FRMD4A: variants seen among roughly 807,000 people sequenced by gnomAD.
The protein encoded by FRMD4A is FERM domain-containing protein 4A.
Under a neutral mutation model 129.1 loss-of-function variants are expected in FRMD4A, and 29 were observed. The observed-to-expected ratio is 0.22, with a 90% CI of 0.17 to 0.31. The LOEUF is 0.31. FRMD4A is among the 10% of genes least tolerant of loss of function. FRMD4A has a pLI of 1.00. For synonymous variants in FRMD4A, 634 were observed against 571.6 expected (o/e 1.11, Z -1.56); for missense variants, 1,272 against 1,375.8 (o/e 0.92, Z 1.19).
intron 2 of FRMD4A, chr10:14,326,712 G>A (rs980306939): frequency 1.3e-5 from 5 of 396,686 alleles, no homozygotes; most frequent in African/African-American, 4.1e-5. Flanking sequence ...ACTAATCCTC[G>A]GCTCTAGCAT....
chr10:13,703,292 TCTC>T (rs1206042390), intron 13 of FRMD4A, among the ~76,000 whole-genome samples: 3 of 152,076 alleles, frequency 2.0e-5, no homozygotes, highest in Non-Finnish European at 4.4e-5. Context: ...CTTTATCTCC[TCTC>T]CTCATCTTTC....
At chr10:14,087,278 T>C (rs1432192959) in intron 2 of FRMD4A, among the ~76,000 whole-genome samples, 2 of 147,426 alleles carry the variant, frequency 1.4e-5, no homozygotes, top group Non-Finnish European at 3.0e-5. Flanking sequence ...AATTAATTAA[T>C]ATATGTGTTA....
At chr10:13,718,823 C>A (rs1055415016) in intron 12 of FRMD4A, among the ~76,000 whole-genome samples, 2 of 152,244 alleles carry the variant, frequency 1.3e-5, no homozygotes, top group African/African-American at 4.8e-5. Flanking sequence ...CATACACATA[C>A]CTCTGCCAAA....
chr10:13,716,985 C>CA (rs1403886594), intron 12 of FRMD4A, among the ~76,000 whole-genome samples: 2 of 152,220 alleles, frequency 1.3e-5, no homozygotes, highest in African/African-American at 4.8e-5. Flanking sequence ...CTTCCCTCCT[C>CA]AGAGTGCCCC....
intron 3 of FRMD4A, among the ~76,000 whole-genome samples, chr10:13,838,798 C>T (rs1174450005): frequency 6.6e-6 from 1 of 152,022 alleles, no homozygotes; most frequent in Non-Finnish European, 1.5e-5. Flanking sequence ...TGCCTATGTT[C>T]TGTTTGCTAC....
chr10:13,803,718 C>T (rs1053747010), intron 4 of FRMD4A, among the ~76,000 whole-genome samples: 1 of 152,178 alleles, frequency 6.6e-6, no homozygotes, highest in African/African-American at 2.4e-5. Flanking sequence ...AACAAGGAGT[C>T]AAGGGCCAGT....
chr10:14,152,459 G>T (rs1254579422), intron 2 of FRMD4A, among the ~76,000 whole-genome samples: 2 of 152,050 alleles, frequency 1.3e-5, no homozygotes, highest in African/African-American at 4.8e-5. Flanking sequence ...AAAGTCTAAA[G>T]ACAGTTACTC....
chr10:14,014,005 G>A (rs1327918017), intron 2 of FRMD4A, among the ~76,000 whole-genome samples: 1 of 152,196 alleles, frequency 6.6e-6, no homozygotes, highest in African/African-American at 2.4e-5. Flanking sequence ...AAAGCTCCCT[G>A]CTAGGCCCTG....
chr10:14,008,162 C>CTCTGTGTG, intron 2 of FRMD4A: 1 of 628,412 alleles, frequency 1.6e-6, no homozygotes, highest in Non-Finnish European at 2.1e-6. Flanking sequence ...TGGTGTACAG[C>CTCTGTGTG]TGTGTGTGTG....
At chr10:14,321,355 A>G (rs754483057) in intron 2 of FRMD4A, among the ~76,000 whole-genome samples, 4 of 150,746 alleles carry the variant, frequency 2.7e-5, no homozygotes, top group Non-Finnish European at 5.9e-5. Flanking sequence ...GAATATATAT[A>G]TAATTCATAT....
chr10:14,177,609 A>C (rs1052530571), intron 2 of FRMD4A, among the ~76,000 whole-genome samples: 2 of 152,210 alleles, frequency 1.3e-5, no homozygotes, highest in African/African-American at 4.8e-5. Context: ...AGGTTTGTTT[A>C]AAGTAGATAG....
rs1412175703 is a variant in FRMD4A, at chr10:13,646,936, C to G, written c.*102G>C. The G allele has an allele frequency of 5.2e-6, 5 of 963,316 alleles. No individual in the cohort carries two copies. Among genetic ancestry groups the G allele is most frequent in the Admixed American group, 6.2e-5 (1 of 16,238 alleles). The allele number at this position is 963,316 out of a possible 1,614,324, so 59.7% of individuals were successfully genotyped here. A position where few individuals can be genotyped will look rare whatever the true frequency, so the allele number is the denominator to read the frequency against. Reference sequence around the variant, plus strand: ...GGTCAGATTAGGCCGGGCTGGCTCACACGAGGGTCCCGGGCTTGGCTTTTT... The same window carrying G: ...GGTCAGATTAGGCCGGGCTGGCTCAGACGAGGGTCCCGGGCTTGGCTTTTT... On this transcript the variant is annotated 3_prime_UTR_variant, in exon 25 of 25. Coordinates refer to ENST00000357447, the MANE Select transcript of FRMD4A (RefSeq NM_018027.5).
intron 24 of FRMD4A, chr10:13,647,834 A>G (rs1248929793): frequency 6.6e-6 from 1 of 151,920 alleles, no homozygotes; most frequent in Non-Finnish European, 1.5e-5. Context: ...GTGGAAGCCA[A>G]TAGTCATTAC....
chr10:14,111,317 T>C (rs1252377700), intron 2 of FRMD4A, among the ~76,000 whole-genome samples: 2 of 152,092 alleles, frequency 1.3e-5, no homozygotes, highest in Non-Finnish European at 2.9e-5. Flanking sequence ...TCGATTTATT[T>C]ATTCTGCTTT....
In FRMD4A at chr10:14,300,962, A is replaced by G. The variant is rs1589283172; in HGVS notation, c.45+29096T>C. On this transcript the variant is annotated intron_variant, in intron 2 of 24. Coordinates refer to ENST00000357447, the MANE Select transcript of FRMD4A (RefSeq NM_018027.5). ...CAAATGGTCTAGCAATGTGATTTAC[A>G]ATGGGAGCTTTGGGCCATGTTGTAT... Among the ~76,000 whole-genome samples the G allele has an allele frequency of 4.6e-5, 7 of 152,322 alleles. No individual in the cohort carries two copies. The South Asian group carries it at 1.4e-3, about 32-fold the overall frequency.
At chr10:13,876,167 C>T (rs920802839) in intron 2 of FRMD4A, among the ~76,000 whole-genome samples, 6 of 152,184 alleles carry the variant, frequency 3.9e-5, no homozygotes, top group Non-Finnish European at 5.9e-5. Context: ...ACTCTAAGAT[C>T]CCTTCCCTTC....
intron 2 of FRMD4A, among the ~76,000 whole-genome samples, chr10:14,045,147 C>A (rs1400229460): frequency 6.6e-6 from 1 of 152,144 alleles, no homozygotes; most frequent in Non-Finnish European, 1.5e-5. Flanking sequence ...GAATGATCCT[C>A]CTAAACTGCT....
rs149865956 is a variant in FRMD4A at position 13,841,984 on chromosome 10, C to T, written c.111+16863G>A. ...CAGGTGGTTAGTGCCAGAATTGCAC[C>T]GCGATATTACAACTATCCTTCCTCT... On this transcript the variant is annotated intron_variant, in intron 3 of 24. Transcript: ENST00000357447. Among the ~76,000 whole-genome samples, 87 of 152,214 alleles carry T rather than the reference C, an allele frequency of 5.7e-4. 1 individual carries two copies. The East Asian group carries it at 0.013, about 22-fold the overall frequency.
chr10:13,704,741 G>A (rs2087237602), intron 13 of FRMD4A, among the ~76,000 whole-genome samples: 1 of 152,262 alleles, frequency 6.6e-6, no homozygotes, highest in African/African-American at 2.4e-5. Context: ...GTCTAGAGCA[G>A]GTTTCTTTGT....
Sources: allele counts gnomAD v4.1 joint callset (sites outside exome capture counted in the v4.1 genomes callset), GRCh38; gene constraint gnomAD v4.1.1; transcripts MANE v1.5; gene names NCBI Gene and HGNC (gene_info 2026-07-23, HGNC 2026-07-21).